Variants in KBTBD13 observed in about 807,000 individuals in gnomAD.
KBTBD13 encodes the protein kelch repeat and BTB domain containing 13, also known as kelch repeat and BTB domain-containing protein 13.
In KBTBD13, 32 loss-of-function variants were observed where a neutral mutation model predicts 25.4. That is an observed-to-expected ratio of 1.26 (90% confidence interval 0.95 to 1.69). KBTBD13 has a LOEUF of 1.69. Among genes scored for constraint, KBTBD13 ranks in the 40% most tolerant of loss-of-function variants. The pLI, the probability that KBTBD13 is intolerant of heterozygous loss-of-function variation, is 0.00. For missense variants in KBTBD13, 898 were observed against 679.5 expected, an observed-to-expected ratio of 1.32 and a Z score of -3.57; for synonymous variants, 436 against 329.8, an observed-to-expected ratio of 1.32 and a Z score of -3.49.
Position 65,077,955 on chromosome 15 carries a change from G to A in KBTBD13, c.1140G>A (p.Thr380=), listed in dbSNP as rs772820212. ...TCAACCTGGCCACGGGCCAGTGGAC[G>A]GCGCTGCCCGGCCAGTTCGTCAACA... ...DCLNLATGQW[T]ALPGQFVNSK... is the part of the protein sequence containing the mutation. The change falls in exon 1 of 1, where the codon ACG becomes ACA. Residue 380 remains threonine, a synonymous_variant. Transcript: ENST00000432196. 3 of 1,611,246 alleles carry A rather than the reference G, an allele frequency of 1.9e-6. No individual in the cohort carries two copies. In the South Asian group the frequency reaches 3.3e-5, roughly 18 times the overall value.
Position 65,078,078 on chromosome 15 carries a change from G to T in KBTBD13, c.1263G>T (p.Trp421Cys). 1 of 1,597,660 alleles carries T rather than the reference G, an allele frequency of 6.3e-7. No individual in the cohort carries two copies. Residue 421 changes from tryptophan to cysteine, a missense_variant, in exon 1 of 1, where the codon TGG becomes TGT. Physicochemically the swap from Trp to Cys is radical, Grantham distance 215. Transcript: ENST00000432196. ...TLLYAIEGGT[W>C]RLLREKAGFP... ...TCTACGCCATCGAGGGCGGCACCTG[G>T]CGGCTGCTCAGGGAGAAAGCCGGCT...
chr15:65,077,941 A>C lies in KBTBD13; in HGVS notation c.1126A>C (p.Thr376Pro), dbSNP rs1048233904. The C allele has an allele frequency of 8.1e-6, 13 of 1,611,560 alleles. No homozygotes were observed. The Admixed American group carries it at 1.3e-4, about 17-fold the overall frequency. ...CGCCATCGACTGTCTCAACCTGGCCACGGGCCAGTGGACGGCGCTGCCCGG... is the reference window on the plus strand; with the variant it reads ...CGCCATCGACTGTCTCAACCTGGCCCCGGGCCAGTGGACGGCGCTGCCCGG... ...HCAIDCLNLA[T>P]GQWTALPGQF... Residue 376 changes from threonine (T) to proline (P), a missense_variant, in exon 1 of 1, where the codon ACG (threonine) becomes CCG (proline). Transcript: ENST00000432196.
At position 65,079,344 on chromosome 15, in the gene KBTBD13, C is replaced by CT. The variant is rs2087017608; in HGVS notation, c.*1153dup. Among the ~76,000 whole-genome samples, 1 of 152,214 alleles carries CT rather than the reference C, an allele frequency of 6.6e-6. No homozygotes were observed. The highest frequency in any genetic ancestry group is 1.5e-5 in the Non-Finnish European group (1 of 68,040). ...CTCCCTGTCAGTGCTCTACCATCCT[C>CT]TGTGCAGCATTGGCTCACCCAGCTC... On this transcript the variant is annotated 3_prime_UTR_variant, in exon 1 of 1. Transcript: ENST00000432196.
In KBTBD13 at chr15:65,079,269, T is replaced by A. The variant is rs2087017165; in HGVS notation, c.*1077T>A. On this transcript the variant is annotated 3_prime_UTR_variant, in exon 1 of 1. Coordinates refer to ENST00000432196, the MANE Select transcript of KBTBD13 (RefSeq NM_001101362.3). Reference sequence around the variant, plus strand: ...CTACAGGTTTGTTCTCTTCCTGTCCTATTCTGCCCTTTGCAATTCCCTGGG... The same window carrying A: ...CTACAGGTTTGTTCTCTTCCTGTCCAATTCTGCCCTTTGCAATTCCCTGGG... 6.6e-6 allele frequency among the ~76,000 whole-genome samples: 1 copy of A among 152,220 alleles called. No individual in the cohort carries two copies. The highest frequency in any genetic ancestry group is 1.5e-5 in the Non-Finnish European group (1 of 68,038).
Position 65,077,147 on chromosome 15 carries a change from ACG to A in KBTBD13, c.335_336del (p.Ala112GlyfsTer32), listed in dbSNP as rs1354802421. ...TCGGACAACTGCGCATTGCTGTGCGACGCGGCCGCCGCCTTCGGCCTGCGCGA... is the reference window on the plus strand; with the variant it reads ...TCGGACAACTGCGCATTGCTGTGCGACGGCCGCCGCCTTCGGCCTGCGCGA... On this transcript the variant is annotated frameshift_variant, in exon 1 of 1. Coordinates refer to ENST00000432196, the MANE Select transcript of KBTBD13 (RefSeq NM_001101362.3). LOFTEE classifies it high-confidence loss of function. 1 of 1,514,474 alleles carries A rather than the reference ACG, an allele frequency of 6.6e-7. No individual in the cohort carries two copies. Among genetic ancestry groups the A allele is most frequent in the Non-Finnish European group, 8.8e-7 (1 of 1,136,454 alleles). 93.8% of individuals were successfully genotyped at this position (1,514,474 alleles called of 1,614,324 possible).
chr15:65,078,296 C>T lies in KBTBD13; in HGVS notation c.*104C>T. 1 of 1,438,584 alleles carries T rather than the reference C, an allele frequency of 7.0e-7. No homozygotes were observed. The highest frequency in any genetic ancestry group is 9.2e-7 in the Non-Finnish European group (1 of 1,088,678). 89.1% of individuals were successfully genotyped at this position (1,438,584 alleles called of 1,614,324 possible). A position where few individuals can be genotyped will look rare whatever the true frequency, so the allele number is the denominator to read the frequency against. Reference sequence around the variant, plus strand: ...GAAGTAGCTGGCAACTTCCCTCTTTCTACTGAGACACCCAGGTTTGGTGCC... The same window carrying T: ...GAAGTAGCTGGCAACTTCCCTCTTTTTACTGAGACACCCAGGTTTGGTGCC... On this transcript the variant is annotated 3_prime_UTR_variant, in exon 1 of 1. Transcript: ENST00000432196.
rs750607428 is a variant in KBTBD13 at position 65,078,410 on chromosome 15, CAA to C, written c.*219_*220del. Among the ~76,000 whole-genome samples, 4 of 152,142 alleles carry C rather than the reference CAA, an allele frequency of 2.6e-5. No homozygotes were observed. The highest frequency in any genetic ancestry group is 4.4e-5 in the Non-Finnish European group (3 of 68,028). The stretch of plus-strand genomic sequence containing the variant: ...GGCTCTGCTGAGAGCTGGTGGGTCA[CAA>C]TGTCAGTGAACAGGGTAGGGGGAGT... On this transcript the variant is annotated 3_prime_UTR_variant, in exon 1 of 1. Coordinates refer to ENST00000432196, the MANE Select transcript of KBTBD13 (RefSeq NM_001101362.3).
Position 65,077,917 on chromosome 15 carries a change from G to A in KBTBD13, c.1102G>A (p.Ala368Thr). ...ACCTTCCGACGACTTCCTGCACTGC[G>A]CCATCGACTGTCTCAACCTGGCCAC... ...NGPSDDFLHC[A>T]IDCLNLATGQ... The change falls in exon 1 of 1, where the codon GCC becomes ACC. Residue 368 changes from alanine to threonine, a missense_variant. Transcript: ENST00000432196. 1 of 1,611,850 alleles carries A rather than the reference G, an allele frequency of 6.2e-7. No individual in the cohort carries two copies. Among genetic ancestry groups the A allele is most frequent in the East Asian group, 2.2e-5 (1 of 44,868 alleles).
At position 65,077,865 on chromosome 15, in the gene KBTBD13, C is replaced by T. The variant is rs1362110928; in HGVS notation, c.1050C>T (p.Arg350=). Residue 350 remains arginine, a synonymous_variant, in exon 1 of 1, where the codon CGC becomes CGT. Coordinates refer to ENST00000432196, the MANE Select transcript of KBTBD13 (RefSeq NM_001101362.3). ...QSYGHCMVAH[R]DSLYVVRNGP... ...ATGGCCACTGCATGGTGGCCCACCGCGACAGCCTCTATGTGGTGCGCAACG... is the reference window on the plus strand; with the variant it reads ...ATGGCCACTGCATGGTGGCCCACCGTGACAGCCTCTATGTGGTGCGCAACG... 6 of 1,611,360 alleles carry T rather than the reference C, an allele frequency of 3.7e-6. No individual in the cohort carries two copies. Among genetic ancestry groups the T allele is most frequent in the South Asian group, 1.1e-5 (1 of 91,058 alleles).
In KBTBD13 at chr15:65,079,608, A is replaced by G. The variant is rs1308451249; in HGVS notation, c.*1416A>G. On this transcript the variant is annotated 3_prime_UTR_variant, in exon 1 of 1. Transcript: ENST00000432196. ...GGATGAGGACTCTCGTTCCTTCATC[A>G]AAATCCCCAGCTCTGGCTTCTGGGC... is the stretch of plus-strand genomic sequence containing the variant. Among the ~76,000 whole-genome samples, 1 of 152,218 alleles carries G rather than the reference A, an allele frequency of 6.6e-6. No individual in the cohort carries two copies. The highest frequency in any genetic ancestry group is 6.5e-5 in the Admixed American group (1 of 15,286).
At position 65,078,728 on chromosome 15, in the gene KBTBD13, CAATAT is replaced by C. The variant is rs1192178208; in HGVS notation, c.*541_*545del. Among the ~76,000 whole-genome samples the C allele has an allele frequency of 2.0e-5, 3 of 151,946 alleles. No individual in the cohort carries two copies. Among genetic ancestry groups the C allele is most frequent in the African/African-American group, 7.3e-5 (3 of 41,346 alleles). On this transcript the variant is annotated 3_prime_UTR_variant, in exon 1 of 1. Transcript: ENST00000432196. ...ATGCAAAAAAATTTAAAACCGCATA[CAATAT>C]AATAAAATAAAGTGCTGAAGAAATC...
At position 65,078,020 on chromosome 15, in the gene KBTBD13, C is replaced by CG. The variant is rs1251266869; in HGVS notation, c.1205_1206insG (p.Val403ArgfsTer77). On this transcript the variant is annotated frameshift_variant, in exon 1 of 1. Transcript: ENST00000432196. LOFTEE classifies it high-confidence loss of function. ...TTCACGGCCGTGGTGCGCGGTGACACCGTCTATACGGTCAACCGCATGTTC... is the reference window on the plus strand; with the variant it reads ...TTCACGGCCGTGGTGCGCGGTGACACGCGTCTATACGGTCAACCGCATGTTC... 12 of 1,604,922 alleles carry CG rather than the reference C, an allele frequency of 7.5e-6. No homozygotes were observed. In the Admixed American group the frequency reaches 8.4e-5, roughly 11 times the overall value.
At position 65,077,470 on chromosome 15, in the gene KBTBD13, G is replaced by C; in HGVS notation, c.655G>C (p.Gly219Arg). 6.6e-7 allele frequency: 1 copy of C among 1,523,878 alleles called. No homozygotes were observed. The highest frequency in any genetic ancestry group is 2.5e-5 in the East Asian group (1 of 40,488). The allele number at this position is 1,523,878 out of a possible 1,614,324, so 94.4% of individuals were successfully genotyped here. ...GCTTTACATCGTGGGGGGCGTGCGC[G>C]GCGCCAGCAAGGAGGTGGTAGAGCT... Reference protein sequence around the residue: ...NKLYIVGGVRGASKEVVELGF... With the variant: ...NKLYIVGGVRRASKEVVELGF... The change falls in exon 1 of 1, where the codon GGC becomes CGC. Residue 219 changes from glycine (G) to arginine (R), a missense_variant. Coordinates refer to ENST00000432196, the MANE Select transcript of KBTBD13 (RefSeq NM_001101362.3).
chr15:65,077,645 G>T lies in KBTBD13; in HGVS notation c.830G>T (p.Arg277Leu), dbSNP rs1233365626. ...AGGACGCCCATCAGCTCCGTGGAGC[G>T]CTACGACCCAGCCGCGGGCTGCTGG... ...FQRTPISSVE[R>L]YDPAAGCWSF... is the part of the protein sequence containing the mutation. The change falls in exon 1 of 1, where the codon CGC (arginine) becomes CTC (leucine). Residue 277 changes from arginine to leucine, a missense_variant. By Grantham distance (102) the Arg-to-Leu change is moderately radical (BLOSUM62 -2). Transcript: ENST00000432196. 2 of 1,590,244 alleles carry T rather than the reference G, an allele frequency of 1.3e-6. No individual in the cohort carries two copies. Among genetic ancestry groups the T allele is most frequent in the Non-Finnish European group, 8.5e-7 (1 of 1,174,064 alleles).
Position 65,078,009 on chromosome 15 carries a change from G to T in KBTBD13, c.1194G>T (p.Val398=), listed in dbSNP as rs1283655781. The T allele has an allele frequency of 1.2e-6, 2 of 1,607,698 alleles. No individual in the cohort carries two copies. The highest frequency in any genetic ancestry group is 4.5e-5 in the East Asian group (2 of 44,854). ...AGGGAGCGCTCTTCACGGCCGTGGT[G>T]CGCGGTGACACCGTCTATACGGTCA... ...NSKGALFTAV[V]RGDTVYTVNR... is the part of the protein sequence containing the mutation. Residue 398 remains valine (V), a synonymous_variant, in exon 1 of 1, where the codon GTG becomes GTT. Transcript: ENST00000432196.
At position 65,077,604 on chromosome 15, in the gene KBTBD13, C is replaced by A. The variant is rs534443571; in HGVS notation, c.789C>A (p.Ile263=). The A allele has an allele frequency of 6.3e-7, 1 of 1,578,526 alleles. No individual in the cohort carries two copies. The highest frequency in any genetic ancestry group is 8.6e-7 in the Non-Finnish European group (1 of 1,169,414). The part of the protein sequence containing the change: ...LAGFDGRLYA[I]GGEFQRTPIS... ...GCTTCGACGGCCGCCTCTACGCCAT[C>A]GGCGGCGAATTCCAGAGGACGCCCA... Residue 263 remains isoleucine (I), a synonymous_variant, in exon 1 of 1, where the codon ATC becomes ATA. Coordinates refer to ENST00000432196, the MANE Select transcript of KBTBD13 (RefSeq NM_001101362.3).
chr15:65,077,965 G>T lies in KBTBD13; in HGVS notation c.1150G>T (p.Gly384Cys), dbSNP rs766259231. The change falls in exon 1 of 1, where the codon GGC becomes TGC. Residue 384 changes from glycine to cysteine, a missense_variant. Coordinates refer to ENST00000432196, the MANE Select transcript of KBTBD13 (RefSeq NM_001101362.3). ...CACGGGCCAGTGGACGGCGCTGCCCGGCCAGTTCGTCAACAGCAAGGGAGC... is the reference window on the plus strand; with the variant it reads ...CACGGGCCAGTGGACGGCGCTGCCCTGCCAGTTCGTCAACAGCAAGGGAGC... Reference protein sequence around the residue: ...LATGQWTALPGQFVNSKGALF... With the variant: ...LATGQWTALPCQFVNSKGALF... 2 of 1,611,228 alleles carry T rather than the reference G, an allele frequency of 1.2e-6. No individual in the cohort carries two copies. Among genetic ancestry groups the T allele is most frequent in the Non-Finnish European group, 8.5e-7 (1 of 1,179,808 alleles).
chr15:65,077,772 C>CG lies in KBTBD13; in HGVS notation c.958dup (p.Val320GlyfsTer82). The CG allele has an allele frequency of 6.3e-7, 1 of 1,582,392 alleles. No homozygotes were observed. Among genetic ancestry groups the CG allele is most frequent in the South Asian group, 1.1e-5 (1 of 88,418 alleles). On this transcript the variant is annotated frameshift_variant, in exon 1 of 1. Coordinates refer to ENST00000432196, the MANE Select transcript of KBTBD13 (RefSeq NM_001101362.3). LOFTEE classifies it high-confidence loss of function. ...TGTGGCGGCCGGCCGACACCACCGC[C>CG]GTGGTGGAGTACGCAGTGCGGACCG...
At position 65,077,074 on chromosome 15, in the gene KBTBD13, T is replaced by G; in HGVS notation, c.259T>G (p.Phe87Val). 2.6e-6 allele frequency: 4 copies of G among 1,515,402 alleles called. No homozygotes were observed. Among genetic ancestry groups the G allele is most frequent in the Non-Finnish European group, 3.5e-6 (4 of 1,133,950 alleles). The allele number at this position is 1,515,402 out of a possible 1,614,324, so 93.9% of individuals were successfully genotyped here. A position where few individuals can be genotyped will look rare whatever the true frequency, so the allele number is the denominator to read the frequency against. The change falls in exon 1 of 1, where the codon TTC becomes GTC. Residue 87 changes from phenylalanine (F) to valine (V), a missense_variant. Physicochemically the swap from Phe to Val is conservative, Grantham distance 50 (BLOSUM62 -1). Transcript: ENST00000432196. ...ELLQAVECAA[F>V]LQAPALARFL... The stretch of plus-strand genomic sequence containing the variant: ...GCTGCAGGCCGTGGAGTGCGCCGCC[T>G]TCCTCCAGGCGCCGGCGCTGGCTCG...
Sources: gnomAD v4.1 joint callset for allele counts (sites outside exome capture counted in the v4.1 genomes callset) on GRCh38, gnomAD v4.1.1 for gene constraint, MANE v1.5 for transcripts, NCBI Gene and HGNC (gene_info 2026-07-23, HGNC 2026-07-21) for gene names.